Variants in LRIF1 observed in about 807,000 individuals in gnomAD.
LRIF1 encodes ligand-dependent nuclear receptor-interacting factor 1.
Under a neutral mutation model 52.7 loss-of-function variants are expected in LRIF1, and 32 were observed. That is an observed-to-expected ratio of 0.61 (90% CI 0.46 to 0.82). The LOEUF (loss-of-function observed/expected upper bound fraction) is 0.82, where lower values mean the gene tolerates loss of function less well. Among genes scored for constraint, LRIF1 ranks in the 40% least tolerant of loss-of-function variants. The pLI is 0.00. For synonymous variants in LRIF1, 323 were observed against 317.4 expected (o/e 1.02, Z -0.19); for missense variants, 887 against 892.0 (o/e 0.99, Z 0.07).
chr1:110,950,231 TTA>T, intron 2 of LRIF1, 108 bp from the exon 3 acceptor site: 1 of 1,331,346 alleles, frequency 7.5e-7, no homozygotes, highest in Non-Finnish European at 1.0e-6. Flanking sequence ...ATATCATGCT[TTA>T]TGATTGGTTT....
At chr1:110,908,458 A>ATC in the LRIF1 span, among the ~76,000 whole-genome samples, 1 of 152,226 alleles carries the variant, frequency 6.6e-6, no homozygotes, top group Admixed American at 6.5e-5. Flanking sequence ...AAGGAAGCTC[A>ATC]TTGAGATACA....
At chr1:110,889,218 A>G in the LRIF1 span, among the ~76,000 whole-genome samples, 1 of 152,132 alleles carries the variant, frequency 6.6e-6, no homozygotes, top group Non-Finnish European at 1.5e-5. Flanking sequence ...GCTGGGAAAC[A>G]CTCAAATTCA....
At chr1:110,881,655 A>G in the LRIF1 span, among the ~76,000 whole-genome samples, 4 of 152,210 alleles carry the variant, frequency 2.6e-5, no homozygotes, top group Non-Finnish European at 4.4e-5. Context: ...TATGATAAGT[A>G]TATGTTTAAC....
the LRIF1 span, among the ~76,000 whole-genome samples, chr1:110,908,919 C>T: frequency 6.6e-6 from 1 of 152,000 alleles, no homozygotes; most frequent in East Asian, 1.9e-4. Flanking sequence ...GATGACCATC[C>T]CCAAGCCACA....
the LRIF1 span, among the ~76,000 whole-genome samples, chr1:110,898,089 A>G: frequency 2.6e-5 from 4 of 152,184 alleles, no homozygotes; most frequent in Non-Finnish European, 4.4e-5. Context: ...CTATAAGAAC[A>G]TCTCTTGGCC....
the LRIF1 span, among the ~76,000 whole-genome samples, chr1:110,918,021 C>T: frequency 7.9e-5 from 12 of 152,142 alleles, no homozygotes; most frequent in African/African-American, 2.7e-4. Context: ...CTTAATATAT[C>T]AAAATGCACT....
the LRIF1 span, among the ~76,000 whole-genome samples, chr1:110,882,699 G>A: frequency 4.6e-5 from 7 of 151,854 alleles, no homozygotes; most frequent in Admixed American, 2.0e-4. Flanking sequence ...AGATGGACGT[G>A]GTATATCTCT....
intron 1 of LRIF1, among the ~76,000 whole-genome samples, chr1:110,961,656 C>A (rs1479386405): frequency 6.6e-6 from 1 of 151,898 alleles, no homozygotes; most frequent in African/African-American, 2.4e-5. Context: ...ATTTAAGCTA[C>A]AAACAATAAG....
downstream of LRIF1, chr1:110,944,293 T>A (rs1234884017): frequency 6.6e-6 from 1 of 152,214 alleles, no homozygotes; most frequent in Non-Finnish European, 1.5e-5. Flanking sequence ...TGTCATCAGC[T>A]GAAATGAGAA....
chr1:110,925,297 G>A, the LRIF1 span, among the ~76,000 whole-genome samples: 1 of 152,158 alleles, frequency 6.6e-6, no homozygotes, highest in Non-Finnish European at 1.5e-5. Context: ...CCATCAGACT[G>A]CCTTTGGACT....
the LRIF1 span, chr1:110,880,335 T>A: frequency 2.0e-5 from 3 of 152,058 alleles, no homozygotes; most frequent in South Asian, 6.2e-4. Context: ...CTTCACCAGG[T>A]GAGAAGATTT....
the LRIF1 span, among the ~76,000 whole-genome samples, chr1:110,917,638 T>G: frequency 5.8e-5 from 5 of 86,900 alleles, no homozygotes; most frequent in Admixed American, 5.7e-4. Flanking sequence ...TTTTTTGTTT[T>G]TTTGTTTTTG....
chr1:110,927,469 T>C, the LRIF1 span, among the ~76,000 whole-genome samples: 1 of 152,258 alleles, frequency 6.6e-6, no homozygotes, highest in Non-Finnish European at 1.5e-5. Flanking sequence ...TTGAAACCTA[T>C]GTTGGTTTTT....
At chr1:110,899,065 A>G in the LRIF1 span, 14 of 1,290,706 alleles carry the variant, frequency 1.1e-5, no homozygotes, top group Non-Finnish European at 1.6e-5. Flanking sequence ...AATCCCAGGC[A>G]TTGTGAAAGA....
intron 1 of LRIF1, among the ~76,000 whole-genome samples, chr1:110,959,384 AAC>A (rs1226572208): frequency 6.6e-6 from 1 of 152,224 alleles, no homozygotes; most frequent in African/African-American, 2.4e-5. Context: ...CTGGGAGCAT[AAC>A]AGTTATCATC....
At chr1:110,896,201 A>G in the LRIF1 span, among the ~76,000 whole-genome samples, 1 of 152,156 alleles carries the variant, frequency 6.6e-6, no homozygotes, top group Non-Finnish European at 1.5e-5. Context: ...GGTATCAGGG[A>G]GTCTCTGTCT....
At chr1:110,882,696 C>A in the LRIF1 span, among the ~76,000 whole-genome samples, 1 of 151,880 alleles carries the variant, frequency 6.6e-6, no homozygotes, top group African/African-American at 2.4e-5. Context: ...GGTAGATGGA[C>A]GTGGTATATC....
chr1:110,934,379 C>T, the LRIF1 span, among the ~76,000 whole-genome samples: 1 of 152,144 alleles, frequency 6.6e-6, no homozygotes. Context: ...GATCAAGAAC[C>T]AAGCATGCTC....
chr1:110,958,790 C>G (rs1385343170), intron 1 of LRIF1, among the ~76,000 whole-genome samples: 1 of 152,196 alleles, frequency 6.6e-6, no homozygotes, highest in Non-Finnish European at 1.5e-5. Context: ...ATATACTCCG[C>G]ATCTAATTCA....
Sources: allele counts gnomAD v4.1 joint callset (sites outside exome capture counted in the v4.1 genomes callset), GRCh38; gene constraint gnomAD v4.1.1; transcripts MANE v1.5; gene names NCBI Gene and HGNC (gene_info 2026-07-23, HGNC 2026-07-21).